ABCC5: variants seen among roughly 807,000 people sequenced by gnomAD.
ABCC5 encodes ATP-binding cassette sub-family C member 5.
A neutral mutation model predicts 160.9 loss-of-function variants in ABCC5; 61 were observed. The observed-to-expected ratio is 0.38, with a 90% CI of 0.31 to 0.47. The LOEUF (loss-of-function observed/expected upper bound fraction) is 0.47. Ranked by LOEUF, ABCC5 falls within the 20% of genes least tolerant of loss-of-function variation. The pLI, the probability that ABCC5 is intolerant of heterozygous loss-of-function variation, is 0.99. For missense variants in ABCC5, 1,308 were observed against 1,813.3 expected (o/e 0.72, Z 5.06); for synonymous variants, 666 against 700.6 (o/e 0.95, Z 0.78).
At chr3:183,954,955 T>C (rs953740349) in intron 17 of ABCC5, among the ~76,000 whole-genome samples, 2 of 152,128 alleles carry the variant, frequency 1.3e-5, no homozygotes, top group African/African-American at 4.8e-5. Flanking sequence ...CAAAGGTGAA[T>C]TCAAAGATTT....
At chr3:183,937,817 G>C in intron 26 of ABCC5, 84 bp downstream of exon 26, 1 of 1,458,234 alleles carries the variant, frequency 6.9e-7, no homozygotes, top group Non-Finnish European at 9.4e-7. Flanking sequence ...ATGGTCCCAG[G>C]GGGCGGTGCT....
chr3:183,923,053 A>G (rs1343624627), intron 29 of ABCC5, among the ~76,000 whole-genome samples: 1 of 152,194 alleles, frequency 6.6e-6, no homozygotes, highest in Non-Finnish European at 1.5e-5. Context: ...CTGTGTGTGC[A>G]GATGCAAGAA....
In ABCC5 at chr3:183,951,581, G is replaced by T; in HGVS notation, c.2815-11C>A. 6.2e-7 allele frequency: 1 copy of T among 1,613,752 alleles called. No homozygotes were observed. The highest frequency in any genetic ancestry group is 1.1e-5 in the South Asian group (1 of 91,028). On this transcript the variant is annotated splice_polypyrimidine_tract_variant and intron_variant, in intron 19 of 29. Transcript: ENST00000334444. This position sits in a 1 kb window ranked among gnomAD's most constrained non-coding sequence, Gnocchi z 4.7. ...AGCTCGCAGCGTGCCCTGAGGAGCA[G>T]AGCACAGAGTGGTCAGGGCCCAGGG... is the stretch of plus-strand genomic sequence containing the variant.
At chr3:183,966,835 C>T (rs566075267) in intron 12 of ABCC5, among the ~76,000 whole-genome samples, 1 of 152,292 alleles carries the variant, frequency 6.6e-6, no homozygotes, top group Admixed American at 6.5e-5. Flanking sequence ...CCAAACAAGA[C>T]AAGAAAGCAT....
chr3:183,963,643 G>A lies in ABCC5; in HGVS notation c.2032-55C>T, dbSNP rs1560012992. The stretch of plus-strand genomic sequence containing the variant: ...TCCAGCGCAAGTCCAGAACAGCGTG[G>A]AGGGGTCACCCAGTCACTTCTCTTC... On this transcript the variant is annotated intron_variant, in intron 14 of 29. Coordinates refer to ENST00000334444, the MANE Select transcript of ABCC5 (RefSeq NM_005688.4). The surrounding 1 kb of genome is among the most constrained non-coding windows in gnomAD (Gnocchi z 4.6). 14 of 1,570,764 alleles carry A rather than the reference G, an allele frequency of 8.9e-6. No individual in the cohort carries two copies. The highest frequency in any genetic ancestry group is 2.3e-4 in the Middle Eastern group (1 of 4,394).
intron 17 of ABCC5, among the ~76,000 whole-genome samples, chr3:183,954,539 A>G (rs1715688380): frequency 6.6e-6 from 1 of 152,190 alleles, no homozygotes; most frequent in African/African-American, 2.4e-5. Context: ...AAGAGATGAT[A>G]AAGGCCTGAA....
chr3:183,951,796 AC>A lies in ABCC5; in HGVS notation c.2814+60del. On this transcript the variant is annotated intron_variant, in intron 19 of 29. Coordinates refer to ENST00000334444, the MANE Select transcript of ABCC5 (RefSeq NM_005688.4). The surrounding 1 kb of genome is among the most constrained non-coding windows in gnomAD (Gnocchi z 4.7). ...TACTCAGCATGAACTGAGAGACGCC[AC>A]ACCAAAGCCTGACCACAGGTCACCA... 6.3e-7 allele frequency: 1 copy of A among 1,584,270 alleles called. No homozygotes were observed. The highest frequency in any genetic ancestry group is 2.0e-4 in the Middle Eastern group (1 of 5,010).
chr3:183,923,465 A>T (rs1175930300), intron 29 of ABCC5, among the ~76,000 whole-genome samples: 2 of 152,090 alleles, frequency 1.3e-5, no homozygotes, highest in Admixed American at 1.3e-4. Context: ...TCTACTAAAA[A>T]TACAAAAATT....
chr3:183,984,884 C>A, intron 5 of ABCC5: 1 of 1,576,998 alleles, frequency 6.3e-7, no homozygotes, highest in East Asian at 2.3e-5. Context: ...GGAGCAGTCT[C>A]CAAAGGAAGG....
chr3:183,988,773 G>A lies in ABCC5; in HGVS notation c.288-46C>T. The A allele has an allele frequency of 6.3e-7, 1 of 1,593,566 alleles. No individual in the cohort carries two copies. Among genetic ancestry groups the A allele is most frequent in the African/African-American group, 1.3e-5 (1 of 74,382 alleles). On this transcript the variant is annotated intron_variant, in intron 3 of 29. Coordinates refer to ENST00000334444, the MANE Select transcript of ABCC5 (RefSeq NM_005688.4). The surrounding 1 kb of genome is among the most constrained non-coding windows in gnomAD (Gnocchi z 4.4). The stretch of plus-strand genomic sequence containing the variant: ...TCACAAAGCTATCAACACGCACGGA[G>A]AGGGCAGCCCGTGTTTAATGGACAC...
At chr3:183,998,151 T>C (rs977610134) in intron 2 of ABCC5, among the ~76,000 whole-genome samples, 7 of 152,246 alleles carry the variant, frequency 4.6e-5, no homozygotes, top group South Asian at 4.1e-4. Context: ...CTAGATTATT[T>C]AGGATAAATT....
In ABCC5 at chr3:183,963,698, A is replaced by G. The variant is rs1716979544; in HGVS notation, c.2032-110T>C. The G allele has an allele frequency of 1.1e-6, 1 of 949,234 alleles. No homozygotes were observed. The highest frequency in any genetic ancestry group is 2.6e-5 in the East Asian group (1 of 39,002). 58.8% of individuals were successfully genotyped at this position (949,234 alleles called of 1,614,324 possible). Reference sequence around the variant, plus strand: ...CCACCCAGACCAGCTCCTTCTGTCAATTCCCCGCAGATGAACTGCCATGCT... The same window carrying G: ...CCACCCAGACCAGCTCCTTCTGTCAGTTCCCCGCAGATGAACTGCCATGCT... On this transcript the variant is annotated intron_variant, in intron 14 of 29. Coordinates refer to ENST00000334444, the MANE Select transcript of ABCC5 (RefSeq NM_005688.4). The surrounding 1 kb of genome is among the most constrained non-coding windows in gnomAD (Gnocchi z 4.6).
At position 183,977,449 on chromosome 3, in the gene ABCC5, G is replaced by A. The variant is rs2293000; in HGVS notation, c.1404+68C>T. 892 of 1,264,082 alleles carry A rather than the reference G, an allele frequency of 7.1e-4. 8 individuals carry two copies. In the East Asian group the frequency reaches 0.02, roughly 28 times the overall value. 78.3% of individuals were successfully genotyped at this position (1,264,082 alleles called of 1,614,324 possible). On this transcript the variant is annotated intron_variant, in intron 10 of 29. Transcript: ENST00000334444. ...GTGAGGCCAGCCTGGGTGGCCCCTT[G>A]AACAGAGCCAGCAGTTAGTTGTGTG...
At chr3:183,980,179 C>T (rs1329843871) in intron 8 of ABCC5, among the ~76,000 whole-genome samples, 3 of 152,116 alleles carry the variant, frequency 2.0e-5, no homozygotes, top group Admixed American at 2.0e-4. Flanking sequence ...CTGGCAAATA[C>T]TTAATTCTTC....
At chr3:183,986,101 CCA>C (rs1719196215) in intron 5 of ABCC5, 1 of 152,908 alleles carries the variant, frequency 6.5e-6, no homozygotes, top group Non-Finnish European at 1.5e-5. Flanking sequence ...GGATTTAAGT[CCA>C]CAGACAGGAG....
chr3:183,923,448 C>T (rs1712203818), intron 29 of ABCC5, among the ~76,000 whole-genome samples: 2 of 152,028 alleles, frequency 1.3e-5, no homozygotes, highest in South Asian at 4.1e-4. Context: ...CATGGTGAAA[C>T]CCTGTGTCTA....
At chr3:183,941,335 A>G (rs994954432) in intron 25 of ABCC5, among the ~76,000 whole-genome samples, 14 of 152,154 alleles carry the variant, frequency 9.2e-5, no homozygotes, top group African/African-American at 3.4e-4. Context: ...CTCAAGGGAG[A>G]GAACAGTAAA....
chr3:183,964,125 T>C (rs150057346), intron 14 of ABCC5, among the ~76,000 whole-genome samples: 102 of 152,350 alleles, frequency 6.7e-4, no homozygotes, highest in African/African-American at 2.3e-3. Context: ...TTGCCTCTAC[T>C]TTGTCTGCTC....
chr3:184,004,815 A>T (rs548690502), intron 2 of ABCC5, among the ~76,000 whole-genome samples: 1 of 152,244 alleles, frequency 6.6e-6, no homozygotes, highest in African/African-American at 2.4e-5. Context: ...CAGGATTCTT[A>T]AAAAAGCCAA....
Sources: gnomAD v4.1 joint callset for allele counts (sites outside exome capture counted in the v4.1 genomes callset) on GRCh38, gnomAD v4.1.1 for gene constraint, Gnocchi (gnomAD v3.1) non-coding constraint, MANE v1.5 for transcripts, NCBI Gene and HGNC (gene_info 2026-07-23, HGNC 2026-07-21) for gene names.